CCDC6: variants seen among roughly 807,000 people sequenced by gnomAD.
CCDC6 encodes the protein coiled-coil domain containing 6, also known as coiled-coil domain-containing protein 6.
In CCDC6, 20 loss-of-function variants were observed where a neutral mutation model predicts 56.6. The ratio of observed to expected loss-of-function variants is 0.35; its 90% CI spans 0.25 to 0.51. The LOEUF (loss-of-function observed/expected upper bound fraction) is 0.51. CCDC6 is among the 20% of genes least tolerant of loss of function. The probability of loss-of-function intolerance (pLI) is 0.95; values close to 1 mark genes in which losing one functional copy is unlikely to be tolerated. For missense variants in CCDC6, 367 were observed against 601.1 expected (o/e 0.61, Z 4.07); for synonymous variants, 241 against 234.4 (o/e 1.03, Z -0.26).
intron 2 of CCDC6, among the ~76,000 whole-genome samples, chr10:59,840,913 T>C (rs1366696167): frequency 6.6e-6 from 1 of 152,222 alleles, no homozygotes; most frequent in African/African-American, 2.4e-5. Flanking sequence ...AATATCCTTC[T>C]AATATGCATT....
chr10:59,870,773 T>C (rs1476986570), intron 1 of CCDC6, among the ~76,000 whole-genome samples: 1 of 152,224 alleles, frequency 6.6e-6, no homozygotes, highest in Non-Finnish European at 1.5e-5. Context: ...CTAGAAGTTA[T>C]AAGGCAGGTC....
intron 3 of CCDC6, among the ~76,000 whole-genome samples, chr10:59,825,814 A>C (rs2070783631): frequency 6.6e-6 from 1 of 152,244 alleles, no homozygotes; most frequent in Non-Finnish European, 1.5e-5. Context: ...TATTCTAAGA[A>C]CTGGAAATGT....
chr10:59,795,107 C>T (rs781627896), intron 7 of CCDC6, among the ~76,000 whole-genome samples: 18 of 151,002 alleles, frequency 1.2e-4, no homozygotes, highest in South Asian at 2.1e-4. Context: ...AAAACAAATA[C>T]GTGGGACTAC....
In CCDC6 at chr10:59,872,787, TG is replaced by T. The variant is rs1046215443; in HGVS notation, c.304-20086del. Reference sequence around the variant, plus strand: ...GAGGATAACTTTCCAGATGGGGGGGTGGGGGAAGGTAACAACATTAGAAAGT... The same window carrying T: ...GAGGATAACTTTCCAGATGGGGGGGTGGGGAAGGTAACAACATTAGAAAGT... On this transcript the variant is annotated intron_variant, in intron 1 of 8. Coordinates refer to ENST00000263102, the MANE Select transcript of CCDC6 (RefSeq NM_005436.5). 6.2e-4 allele frequency among the ~76,000 whole-genome samples: 43 copies of T among 69,510 alleles called. 2 individuals carry two copies. The highest frequency in any genetic ancestry group is 2.6e-3 in the East Asian group (3 of 1,172). 45.6% of individuals were successfully genotyped at this position (69,510 alleles called of 152,430 possible).
chr10:59,805,114 AG>A lies in CCDC6; in HGVS notation c.1005-595del, dbSNP rs1191802513. 5 of 153,086 alleles carry A rather than the reference AG, an allele frequency of 3.3e-5. No individual in the cohort carries two copies. The East Asian group carries it at 9.6e-4, about 29-fold the overall frequency. 9.5% of individuals were successfully genotyped at this position (153,086 alleles called of 1,614,324 possible). ...CTGAGTCTGCCTTTTTCCTGGATTC[AG>A]AAGTCACATCAGACCTGAAAATGCT... On this transcript the variant is annotated intron_variant, in intron 6 of 8. Transcript: ENST00000263102.
At chr10:59,806,462 A>G (rs1035799732) in intron 6 of CCDC6, 1 of 153,032 alleles carries the variant, frequency 6.5e-6, no homozygotes, top group South Asian at 2.1e-4. Context: ...CAAGTGTGTT[A>G]AGGCAAGTCC....
chr10:59,794,620 G>A (rs1425283475), intron 7 of CCDC6, 23 bp from the exon 8 acceptor site: 1 of 1,611,456 alleles, frequency 6.2e-7, no homozygotes, highest in Non-Finnish European at 8.5e-7. Flanking sequence ...AACAAATTAA[G>A]TATCATTTTA....
chr10:59,859,798 C>T (rs889138313), intron 1 of CCDC6, among the ~76,000 whole-genome samples: 3 of 152,148 alleles, frequency 2.0e-5, no homozygotes, highest in African/African-American at 7.2e-5. Flanking sequence ...AGACATAAAT[C>T]TAGAGATACA....
intron 1 of CCDC6, among the ~76,000 whole-genome samples, chr10:59,859,305 T>A (rs1424513871): frequency 1.3e-5 from 2 of 151,648 alleles, no homozygotes; most frequent in African/African-American, 4.9e-5. Context: ...CCACTATAAA[T>A]AAGTTATAGC....
At chr10:59,840,186 G>T (rs7074685) in intron 2 of CCDC6, among the ~76,000 whole-genome samples, 78,245 of 152,034 alleles carry the variant, frequency 0.51, 21,913 homozygotes, top group African/African-American at 0.75. Context: ...CTGGTACACA[G>T]GTACATGTAA....
At chr10:59,886,115 C>T (rs1262360664) in intron 1 of CCDC6, among the ~76,000 whole-genome samples, 1 of 152,176 alleles carries the variant, frequency 6.6e-6, no homozygotes, top group Admixed American at 6.6e-5. Flanking sequence ...AAGAAGATTA[C>T]ATTTAAGGTC....
At chr10:59,885,397 A>G (rs1358188091) in intron 1 of CCDC6, among the ~76,000 whole-genome samples, 1 of 152,212 alleles carries the variant, frequency 6.6e-6, no homozygotes, top group African/African-American at 2.4e-5. Context: ...TCAACTAAAG[A>G]AAGTTCTAGA....
rs149233791 is a variant in CCDC6, at chr10:59,813,464, C to T, written c.687-669G>A. On this transcript the variant is annotated intron_variant, in intron 4 of 8. Transcript: ENST00000263102. ...ATAGCTCTGACCTACAAAATGCAAA[C>T]TTCCATACTGTTCAACCCAATAATT... Among the ~76,000 whole-genome samples, 21 of 152,328 alleles carry T rather than the reference C, an allele frequency of 1.4e-4. No homozygotes were observed. In the East Asian group the frequency reaches 3.5e-3, roughly 25 times the overall value.
intron 1 of CCDC6, among the ~76,000 whole-genome samples, chr10:59,881,256 G>A (rs1312352016): frequency 2.6e-5 from 4 of 152,306 alleles, no homozygotes; most frequent in African/African-American, 7.2e-5. Flanking sequence ...CCAGCCCAGA[G>A]AATGAGAGGT....
At chr10:59,845,185 C>G (rs1283990014) in intron 2 of CCDC6, among the ~76,000 whole-genome samples, 1 of 152,154 alleles carries the variant, frequency 6.6e-6, no homozygotes, top group Non-Finnish European at 1.5e-5. Context: ...TTTCTCCCAT[C>G]TACTTTGGTA....
At chr10:59,812,922 T>A in intron 4 of CCDC6, 127 bp from the exon 5 acceptor site, 1 of 640,730 alleles carries the variant, frequency 1.6e-6, no homozygotes, top group Non-Finnish European at 2.7e-6. Context: ...CAGGGTTGCT[T>A]AATTCCTCTG....
intron 5 of CCDC6, 138 bp from the exon 6 acceptor site, chr10:59,807,216 G>A: frequency 1.3e-6 from 1 of 741,706 alleles, no homozygotes; most frequent in Non-Finnish European, 2.1e-6. Context: ...CGGGTATGGT[G>A]GCTCACACTT....
At position 59,804,538 on chromosome 10, in the gene CCDC6, G is replaced by C; in HGVS notation, c.1005-18C>G. The C allele has an allele frequency of 6.8e-7, 1 of 1,465,774 alleles. No homozygotes were observed. Among genetic ancestry groups the C allele is most frequent in the Non-Finnish European group, 9.6e-7 (1 of 1,044,760 alleles). The allele number at this position is 1,465,774 out of a possible 1,614,324, so 90.8% of individuals were successfully genotyped here. On this transcript the variant is annotated intron_variant, in intron 6 of 8. Coordinates refer to ENST00000263102, the MANE Select transcript of CCDC6 (RefSeq NM_005436.5). ...TAAAATACCTAAGAGGAGAGAGGAG[G>C]AAACGATAAAACCACCTGCATTTAA...
At chr10:59,905,483 A>G (rs1328289845) in intron 1 of CCDC6, among the ~76,000 whole-genome samples, 3 of 152,000 alleles carry the variant, frequency 2.0e-5, no homozygotes, top group Non-Finnish European at 4.4e-5. Flanking sequence ...CTCGCTGTAA[A>G]CCGTCCACCC....
Sources: gnomAD v4.1 joint callset for allele counts (sites outside exome capture counted in the v4.1 genomes callset) on GRCh38, gnomAD v4.1.1 for gene constraint, MANE v1.5 for transcripts, NCBI Gene and HGNC (gene_info 2026-07-23, HGNC 2026-07-21) for gene names.